The following AGBL1 variants were observed in gnomAD, a reference collection of about 807,000 sequenced individuals.
AGBL1 encodes the protein AGBL carboxypeptidase 1, also known as cytosolic carboxypeptidase 4.
In AGBL1, 130 loss-of-function variants were observed where a neutral mutation model predicts 118.9. The observed-to-expected ratio is 1.09, with a 90% confidence interval of 0.95 to 1.26. The LOEUF (loss-of-function observed/expected upper bound fraction) is 1.26. AGBL1 is among the 50% of genes most tolerant of loss of function. The pLI is 0.00. For synonymous variants in AGBL1, 555 were observed against 478.9 expected (o/e 1.16, Z -2.08); for missense variants, 1,584 against 1,298.1 (o/e 1.22, Z -3.38).
intron 5 of AGBL1, among the ~76,000 whole-genome samples, chr15:86,170,587 G>A (rs2077400161): frequency 6.6e-6 from 1 of 152,148 alleles, no homozygotes; most frequent in South Asian, 2.1e-4. Context: ...GCTTATGCCT[G>A]TAATCCCAGC....
intron 17 of AGBL1, among the ~76,000 whole-genome samples, chr15:86,365,969 C>T (rs1338483414): frequency 6.6e-6 from 1 of 152,114 alleles, no homozygotes; most frequent in African/African-American, 2.4e-5. Context: ...TTTTTTCCTC[C>T]TGAGAAACTT....
At chr15:86,768,208 C>A (rs2078123762) in intron 22 of AGBL1, among the ~76,000 whole-genome samples, 1 of 151,914 alleles carries the variant, frequency 6.6e-6, no homozygotes. Flanking sequence ...AACTTTACAC[C>A]TTTGGCATTT....
At chr15:86,793,313 G>C (rs1010927724) in intron 22 of AGBL1, among the ~76,000 whole-genome samples, 3 of 152,154 alleles carry the variant, frequency 2.0e-5, no homozygotes, top group African/African-American at 7.2e-5. Context: ...AAATAGAATT[G>C]ATAATCCAGA....
intron 22 of AGBL1, among the ~76,000 whole-genome samples, chr15:86,809,964 A>G (rs1276275123): frequency 6.6e-6 from 1 of 152,102 alleles, no homozygotes; most frequent in African/African-American, 2.4e-5. Context: ...CTCTAACACA[A>G]AATATTTGGA....
At chr15:86,408,762 T>C (rs2081570555) in intron 18 of AGBL1, among the ~76,000 whole-genome samples, 1 of 152,158 alleles carries the variant, frequency 6.6e-6, no homozygotes, top group Non-Finnish European at 1.5e-5. Context: ...TAAGGGGAGA[T>C]GGGCAAAAGG....
intron 22 of AGBL1, among the ~76,000 whole-genome samples, chr15:86,780,288 C>T (rs750309310): frequency 6.6e-5 from 10 of 152,172 alleles, no homozygotes; most frequent in Non-Finnish European, 1.0e-4. Flanking sequence ...CCATATGTTT[C>T]AGAAACTATC....
At chr15:86,731,610 A>C (rs557113694) in intron 22 of AGBL1, among the ~76,000 whole-genome samples, 1 of 152,330 alleles carries the variant, frequency 6.6e-6, no homozygotes, top group Admixed American at 6.5e-5. Flanking sequence ...CACTTCTGTA[A>C]TGCTGGCAGA....
At chr15:86,380,274 TTCC>T (rs143593770) in intron 17 of AGBL1, among the ~76,000 whole-genome samples, 7,106 of 131,362 alleles carry the variant, frequency 0.054, 199 homozygotes, top group East Asian at 0.21. Flanking sequence ...CCTTCCTTCC[TTCC>T]TTTTTTTTTT....
At chr15:86,519,828 G>A (rs2083164413) in intron 18 of AGBL1, among the ~76,000 whole-genome samples, 1 of 152,158 alleles carries the variant, frequency 6.6e-6, no homozygotes, top group South Asian at 2.1e-4. Flanking sequence ...CTTAAGTTCT[G>A]TATGTCTCAC....
intron 18 of AGBL1, among the ~76,000 whole-genome samples, chr15:86,518,820 ATC>A (rs1308924554): frequency 6.6e-6 from 1 of 151,856 alleles, no homozygotes; most frequent in African/African-American, 2.4e-5. Flanking sequence ...AGGCAAGGTT[ATC>A]ACATCTCTGG....
intron 24 of AGBL1, among the ~76,000 whole-genome samples, chr15:86,992,425 T>C (rs1348788125): frequency 6.6e-6 from 1 of 152,206 alleles, no homozygotes; most frequent in African/African-American, 2.4e-5. Flanking sequence ...TTGAAATCTT[T>C]AGAATTGCAC....
intron 22 of AGBL1, among the ~76,000 whole-genome samples, chr15:86,758,569 A>G (rs2077976179): frequency 6.6e-6 from 1 of 152,090 alleles, no homozygotes; most frequent in Non-Finnish European, 1.5e-5. Flanking sequence ...GTGCTCGATA[A>G]GCATCTGTTG....
intron 24 of AGBL1, among the ~76,000 whole-genome samples, chr15:87,006,763 C>G (rs866521857): frequency 6.6e-6 from 1 of 152,146 alleles, no homozygotes; most frequent in Admixed American, 6.5e-5. Flanking sequence ...CCGTCTTCTG[C>G]GTCACTCACT....
chr15:86,853,047 C>CA (rs202211753), intron 22 of AGBL1, among the ~76,000 whole-genome samples: 61 of 148,252 alleles, frequency 4.1e-4, no homozygotes, highest in South Asian at 1.9e-3. Flanking sequence ...GGGAAAGTTC[C>CA]AAAAAAAATC....
chr15:86,684,470 T>TG (rs2086018581), intron 22 of AGBL1, among the ~76,000 whole-genome samples: 1 of 151,028 alleles, frequency 6.6e-6, no homozygotes, highest in African/African-American at 2.4e-5. Flanking sequence ...TCTCTTTTTT[T>TG]TTTTCTTTTT....
chr15:86,765,128 A>G (rs1264893488), intron 22 of AGBL1, among the ~76,000 whole-genome samples: 13 of 152,006 alleles, frequency 8.6e-5, no homozygotes, highest in Admixed American at 8.5e-4. Context: ...CATAAGGATT[A>G]CATGTGTGGT....
At chr15:86,345,450 G>A (rs780785612) in intron 17 of AGBL1, among the ~76,000 whole-genome samples, 7 of 152,240 alleles carry the variant, frequency 4.6e-5, no homozygotes, top group Non-Finnish European at 7.4e-5. Flanking sequence ...ATTTATTTTC[G>A]TATGAACATA....
chr15:86,603,983 A>G (rs1406542782), intron 21 of AGBL1, among the ~76,000 whole-genome samples: 1 of 152,156 alleles, frequency 6.6e-6, no homozygotes, highest in Non-Finnish European at 1.5e-5. Flanking sequence ...AGAACTATTG[A>G]GCCATCCCCA....
chr15:86,300,056 C>T (rs892710924), intron 17 of AGBL1, among the ~76,000 whole-genome samples: 1 of 152,072 alleles, frequency 6.6e-6, no homozygotes, highest in Non-Finnish European at 1.5e-5. Flanking sequence ...TAGTAATGAG[C>T]TCTTGGCCTT....
Sources: allele counts gnomAD v4.1 joint callset (sites outside exome capture counted in the v4.1 genomes callset), GRCh38; gene constraint gnomAD v4.1.1; transcripts MANE v1.5; gene names NCBI Gene and HGNC (gene_info 2026-07-23, HGNC 2026-07-21).